Variants in FAM227A observed in about 807,000 individuals in gnomAD.
The protein encoded by FAM227A is protein FAM227A.
FAM227A carries 80 observed loss-of-function variants against 74.7 expected under a neutral mutation model. That is an observed-to-expected ratio of 1.07 (90% confidence interval 0.89 to 1.29). The LOEUF is 1.29. Among genes scored for constraint, FAM227A ranks in the 50% most tolerant of loss-of-function variants. FAM227A has a pLI of 0.00. For missense variants in FAM227A, 654 were observed against 683.4 expected (o/e 0.96, Z 0.48); for synonymous variants, 237 against 241.8 (o/e 0.98, Z 0.19).
chr22:38,607,350 G>A (rs547796568), intron 12 of FAM227A, 39 bp downstream of exon 12: 3 of 1,445,066 alleles, frequency 2.1e-6, no homozygotes, highest in South Asian at 2.5e-5. Context: ...CAATAACTAA[G>A]CCAAAAGCCT....
At chr22:38,594,398 T>G (rs1198882817) in intron 15 of FAM227A, among the ~76,000 whole-genome samples, 1 of 152,156 alleles carries the variant, frequency 6.6e-6, no homozygotes, top group Admixed American at 6.5e-5. Context: ...ATCTGTAAAA[T>G]GGGGATAAGT....
chr22:38,645,990 T>C lies in FAM227A; in HGVS notation c.143-345A>G, dbSNP rs1371092312. Reference sequence around the variant, plus strand: ...TGTAGAGATGCAGTTTCGCCATGTTTCCCAGGCTGATCTCAAACTCCTGGG... The same window carrying C: ...TGTAGAGATGCAGTTTCGCCATGTTCCCCAGGCTGATCTCAAACTCCTGGG... On this transcript the variant is annotated intron_variant, in intron 2 of 16. Transcript: ENST00000535113. 3.3e-5 allele frequency among the ~76,000 whole-genome samples: 5 copies of C among 151,972 alleles called. No individual in the cohort carries two copies. The East Asian group carries it at 5.8e-4, about 18-fold the overall frequency.
chr22:38,628,923 C>A lies in FAM227A; in HGVS notation c.532G>T (p.Gly178Cys). 1 of 1,526,264 alleles carries A rather than the reference C, an allele frequency of 6.6e-7. No individual in the cohort carries two copies. Among genetic ancestry groups the A allele is most frequent in the East Asian group, 2.5e-5 (1 of 40,586 alleles). The allele number at this position is 1,526,264 out of a possible 1,614,324, so 94.5% of individuals were successfully genotyped here. ...DCLSGKHFCSGRELEKFLSSS... is the reference protein window; with the variant it reads ...DCLSGKHFCSCRELEKFLSSS... The stretch of plus-strand genomic sequence containing the variant: ...GAGAGAAACTTCTCTAATTCTCTAC[C>A]TGAACAGAAATGCTTGGAAAAAAAA... The change falls in exon 7 of 17, where the codon GGT (glycine) becomes TGT (cysteine). Residue 178 changes from glycine to cysteine, a missense_variant. Coordinates refer to ENST00000535113, the MANE Select transcript of FAM227A (RefSeq NM_001013647.2).
Position 38,582,865 on chromosome 22 carries a change from G to A in FAM227A, c.*3260C>T. ...GCAGTGGAGCACTTGTGCCTACCTT[G>A]CTCCTGGTATATTAGGGAAGGCTCC... is the stretch of plus-strand genomic sequence containing the variant. On this transcript the variant is annotated 3_prime_UTR_variant, in exon 17 of 17. Coordinates refer to ENST00000535113, the MANE Select transcript of FAM227A (RefSeq NM_001013647.2). 6.4e-7 allele frequency: 1 copy of A among 1,550,458 alleles called. No homozygotes were observed. Among genetic ancestry groups the A allele is most frequent in the Non-Finnish European group, 8.7e-7 (1 of 1,146,992 alleles).
At chr22:38,623,466 A>C (rs757543852) in intron 9 of FAM227A, among the ~76,000 whole-genome samples, 187 bp from the exon 10 acceptor site, 1 of 152,218 alleles carries the variant, frequency 6.6e-6, no homozygotes, top group Non-Finnish European at 1.5e-5. Context: ...CTTCTGCAAA[A>C]GAGGCCTGGG....
chr22:38,585,884 CGT>C lies in FAM227A; in HGVS notation c.*239_*240del. The C allele has an allele frequency of 1.2e-6, 1 of 864,492 alleles. No individual in the cohort carries two copies. Among genetic ancestry groups the C allele is most frequent in the Non-Finnish European group, 1.7e-6 (1 of 584,346 alleles). 53.6% of individuals were successfully genotyped at this position (864,492 alleles called of 1,614,324 possible). On this transcript the variant is annotated 3_prime_UTR_variant, in exon 17 of 17. Coordinates refer to ENST00000535113, the MANE Select transcript of FAM227A (RefSeq NM_001013647.2). Reference sequence around the variant, plus strand: ...TTTGTAACATACTTACCAGCATGCACGTAATAAAATACTGAAAGAGTAAATCT... The same window carrying C: ...TTTGTAACATACTTACCAGCATGCACAATAAAATACTGAAAGAGTAAATCT...
At position 38,607,492 on chromosome 22, in the gene FAM227A, G is replaced by C; in HGVS notation, c.1039-16C>G. The C allele has an allele frequency of 6.7e-7, 1 of 1,490,170 alleles. No homozygotes were observed. The highest frequency in any genetic ancestry group is 9.2e-7 in the Non-Finnish European group (1 of 1,092,160). 92.3% of individuals were successfully genotyped at this position (1,490,170 alleles called of 1,614,324 possible). A position where few individuals can be genotyped will look rare whatever the true frequency, so the allele number is the denominator to read the frequency against. Reference sequence around the variant, plus strand: ...CACTAGAAGACTTCAGGAGACAAGAGAGAGAAAGAGAGGGAGAAAGCGAGA... The same window carrying C: ...CACTAGAAGACTTCAGGAGACAAGACAGAGAAAGAGAGGGAGAAAGCGAGA... On this transcript the variant is annotated splice_polypyrimidine_tract_variant and intron_variant, in intron 11 of 16. Transcript: ENST00000535113.
intron 15 of FAM227A, among the ~76,000 whole-genome samples, chr22:38,594,894 C>T (rs893314963): frequency 5.3e-5 from 8 of 152,132 alleles, no homozygotes; most frequent in Admixed American, 3.9e-4. Context: ...GTCAGGGGAT[C>T]GAGACCATCC....
At chr22:38,630,355 T>C (rs2091893314) in intron 6 of FAM227A, among the ~76,000 whole-genome samples, 2 of 152,250 alleles carry the variant, frequency 1.3e-5, no homozygotes, top group East Asian at 3.8e-4. Flanking sequence ...CTCGTGTTTC[T>C]TCAGACTGGC....
intron 11 of FAM227A, among the ~76,000 whole-genome samples, chr22:38,611,994 C>T (rs1602939858): frequency 6.6e-6 from 1 of 152,146 alleles, no homozygotes; most frequent in Admixed American, 6.6e-5. Context: ...ACCTTCAACT[C>T]CGTCCTTTCT....
At chr22:38,586,543 C>G (rs1384273308) in intron 16 of FAM227A, among the ~76,000 whole-genome samples, 1 of 152,220 alleles carries the variant, frequency 6.6e-6, no homozygotes, top group Non-Finnish European at 1.5e-5. Context: ...TGTTTTCTAA[C>G]TCTGTCTATC....
chr22:38,649,880 G>T (rs5750651), intron 2 of FAM227A, 147 bp downstream of exon 2: 2 of 367,434 alleles, frequency 5.4e-6, no homozygotes, highest in Non-Finnish European at 8.4e-6. Context: ...AAAAAAAAAA[G>T]AAAGAAAAGA....
chr22:38,613,118 ATATAT>A (rs1238511467), intron 11 of FAM227A, among the ~76,000 whole-genome samples: 2 of 93,904 alleles, frequency 2.1e-5, no homozygotes, highest in African/African-American at 4.5e-5. Context: ...TATATATATT[ATATAT>A]AATTATATAT....
At chr22:38,632,595 G>C (rs905492685) in intron 6 of FAM227A, among the ~76,000 whole-genome samples, 4 of 152,172 alleles carry the variant, frequency 2.6e-5, no homozygotes, top group Admixed American at 2.6e-4. Context: ...AAGAGACTAA[G>C]ACAATGACCA....
At chr22:38,641,529 C>T (rs536558083) in intron 3 of FAM227A, among the ~76,000 whole-genome samples, 3 of 135,830 alleles carry the variant, frequency 2.2e-5, no homozygotes, top group Non-Finnish European at 3.1e-5. Context: ...CCAGCCTGGG[C>T]GACAAGAGTG....
intron 9 of FAM227A, among the ~76,000 whole-genome samples, chr22:38,625,943 C>T (rs74436737): frequency 2.8e-5 from 2 of 71,544 alleles, no homozygotes; most frequent in African/African-American, 9.2e-5. Context: ...ACTCTATCTC[C>T]AAAAAAAAAA....
At chr22:38,630,910 G>A (rs1171782084) in intron 6 of FAM227A, among the ~76,000 whole-genome samples, 1 of 152,250 alleles carries the variant, frequency 6.6e-6, no homozygotes, top group Non-Finnish European at 1.5e-5. Flanking sequence ...GCTCACGCCT[G>A]TAATCCCAAC....
chr22:38,637,280 G>A lies in FAM227A; in HGVS notation c.373-683C>T, dbSNP rs192034000. Among the ~76,000 whole-genome samples the A allele has an allele frequency of 3.3e-5, 5 of 152,226 alleles. No individual in the cohort carries two copies. The East Asian group carries it at 5.8e-4, about 18-fold the overall frequency. ...TTAAGATGATATATCCTGTTAAGAC[G>A]TGCTATAATTTAATTAACTACTCAC... is the stretch of plus-strand genomic sequence containing the variant. On this transcript the variant is annotated intron_variant, in intron 5 of 16. Transcript: ENST00000535113.
At chr22:38,598,625 C>G (rs1233887987) in intron 14 of FAM227A, among the ~76,000 whole-genome samples, 1 of 152,206 alleles carries the variant, frequency 6.6e-6, no homozygotes, top group Non-Finnish European at 1.5e-5. Context: ...CATTACGAAA[C>G]TCCTCCTGTT....
Sources: gnomAD v4.1 joint callset for allele counts (sites outside exome capture counted in the v4.1 genomes callset) on GRCh38, gnomAD v4.1.1 for gene constraint, MANE v1.5 for transcripts, NCBI Gene and HGNC (gene_info 2026-07-23, HGNC 2026-07-21) for gene names.